CASZ1: variants seen among roughly 807,000 people sequenced by gnomAD.
CASZ1 encodes the protein zinc finger protein castor homolog 1.
In CASZ1, 28 loss-of-function variants were observed where a neutral mutation model predicts 135.2. The ratio of observed to expected loss-of-function variants is 0.21; its 90% CI spans 0.15 to 0.28. The LOEUF (loss-of-function observed/expected upper bound fraction) is 0.28, where lower values mean the gene tolerates loss of function less well. Among genes scored for constraint, CASZ1 ranks in the 10% least tolerant of loss-of-function variants. The probability of loss-of-function intolerance (pLI) is 1.00; values close to 1 mark genes in which losing one functional copy is unlikely to be tolerated. For synonymous variants in CASZ1, 1,068 were observed against 1,073.4 expected (o/e 0.99, Z 0.10); for missense variants, 2,161 against 2,453.3 (o/e 0.88, Z 2.52).
chr1:10,740,795 A>T (rs115473610), intron 2 of CASZ1, among the ~76,000 whole-genome samples: 5,951 of 151,480 alleles, frequency 0.039, 401 homozygotes, highest in African/African-American at 0.13. Flanking sequence ...CACAAAAAAA[A>T]TTTTTTTTTA....
Position 10,649,386 on chromosome 1 carries a change from C to A in CASZ1, c.2932G>T (p.Ala978Ser). The A allele has an allele frequency of 6.2e-7, 1 of 1,609,984 alleles. No individual in the cohort carries two copies. The highest frequency in any genetic ancestry group is 2.2e-5 in the East Asian group (1 of 44,746). Residue 978 changes from alanine to serine, a missense_variant, in exon 14 of 21, where the codon GCG becomes TCG. By Grantham distance (99) the Ala-to-Ser change is moderately conservative. Around this residue, in one of 7 missense-constraint regions of CASZ1, gnomAD observed 406 missense variants for 387.6 expected, o/e 1.05. Coordinates refer to ENST00000377022, the MANE Select transcript of CASZ1 (RefSeq NM_001079843.3). Reference sequence around the variant, plus strand: ...GGCTCCGCAGCGGGGCTCCCCTCCGCTTCCGCCTTGATGTTCAGCAGGCTG... The same window carrying A: ...GGCTCCGCAGCGGGGCTCCCCTCCGATTCCGCCTTGATGTTCAGCAGGCTG... ...LGSLLNIKAE[A>S]EGSPAAEPSP...
chr1:10,768,860 G>A (rs989461958), intron 1 of CASZ1, among the ~76,000 whole-genome samples: 3 of 152,250 alleles, frequency 2.0e-5, no homozygotes, highest in African/African-American at 4.8e-5. Flanking sequence ...CTCAAGCCAA[G>A]CTAGGCATGG....
In CASZ1 at chr1:10,707,589, G is replaced by A. The variant is rs374351544; in HGVS notation, c.-76-2045C>T. Among the ~76,000 whole-genome samples the A allele has an allele frequency of 1.2e-4, 18 of 152,222 alleles. 1 individual carries two copies. Among genetic ancestry groups the A allele is most frequent in the Non-Finnish European group, 2.1e-4 (14 of 68,018 alleles). ...TACGTACAGGGACCAGGACATGCACGGGGTCCTGTACCCCACCTGCCCAGG... is the reference window on the plus strand; with the variant it reads ...TACGTACAGGGACCAGGACATGCACAGGGTCCTGTACCCCACCTGCCCAGG... On this transcript the variant is annotated intron_variant, in intron 2 of 20. Transcript: ENST00000377022. The surrounding 1 kb of genome is among the most constrained non-coding windows in gnomAD (Gnocchi z 5.0).
intron 18 of CASZ1, among the ~76,000 whole-genome samples, chr1:10,644,387 G>A (rs1441138450): frequency 6.6e-6 from 1 of 152,132 alleles, no homozygotes; most frequent in Non-Finnish European, 1.5e-5. Flanking sequence ...GAACTTGACC[G>A]TTCCCCATTA....
At chr1:10,652,315 A>AGCCATGTGCCCGGGACAG (rs1642619458) in intron 11 of CASZ1, 1 of 152,414 alleles carries the variant, frequency 6.6e-6, no homozygotes, top group Admixed American at 6.5e-5. Flanking sequence ...ACCACTTCCT[A>AGCCATGTGCCCGGGACAG]GCCATGTGCC....
chr1:10,740,960 CAAAAAAAAAA>C (rs374464130), intron 2 of CASZ1, among the ~76,000 whole-genome samples: 1 of 61,462 alleles, frequency 1.6e-5, no homozygotes, highest in Admixed American at 2.2e-4. Context: ...CCTGTCTGGA[CAAAAAAAAAA>C]AAAAAAAGAA....
chr1:10,682,733 C>A (rs1638467156), intron 4 of CASZ1, among the ~76,000 whole-genome samples: 1 of 152,254 alleles, frequency 6.6e-6, no homozygotes, highest in Non-Finnish European at 1.5e-5. Context: ...CCATCTCCTT[C>A]TCTGGGCTCT....
Position 10,666,554 on chromosome 1 carries a change from C to T in CASZ1, c.17-983G>A, listed in dbSNP as rs951261393. On this transcript the variant is annotated intron_variant, in intron 4 of 20. Transcript: ENST00000377022. This position sits in a 1 kb window ranked among gnomAD's most constrained non-coding sequence, Gnocchi z 5.2. ...GTGCAGGGTGGGATCGCTTAGGTCCCTCACGGAACGCCCCGAAGCGCCGGT... is the reference window on the plus strand; with the variant it reads ...GTGCAGGGTGGGATCGCTTAGGTCCTTCACGGAACGCCCCGAAGCGCCGGT... Among the ~76,000 whole-genome samples, 4 of 152,220 alleles carry T rather than the reference C, an allele frequency of 2.6e-5. No homozygotes were observed. Among genetic ancestry groups the T allele is most frequent in the Non-Finnish European group, 5.9e-5 (4 of 68,044 alleles).
intron 2 of CASZ1, among the ~76,000 whole-genome samples, chr1:10,731,561 G>T (rs1639702857): frequency 6.6e-6 from 1 of 152,216 alleles, no homozygotes; most frequent in South Asian, 2.1e-4. Flanking sequence ...TCCAGCCTGG[G>T]TGACAGAAAG....
intron 11 of CASZ1, chr1:10,653,136 C>A: frequency 1.7e-6 from 1 of 601,804 alleles, no homozygotes; most frequent in South Asian, 1.8e-5. Context: ...GACCATCGCC[C>A]CCAGCTCACA....
intron 1 of CASZ1, among the ~76,000 whole-genome samples, chr1:10,780,471 C>T (rs1041638751): frequency 1.3e-5 from 2 of 152,150 alleles, no homozygotes; most frequent in East Asian, 1.9e-4. Context: ...AATCCCTCCC[C>T]GGTGGCCCCA....
rs1032896870 is a variant in CASZ1, at chr1:10,755,348, C to G, written c.-77+5353G>C. On this transcript the variant is annotated intron_variant, in intron 2 of 20. Coordinates refer to ENST00000377022, the MANE Select transcript of CASZ1 (RefSeq NM_001079843.3). The surrounding 1 kb of genome is among the most constrained non-coding windows in gnomAD (Gnocchi z 4.3). Reference sequence around the variant, plus strand: ...ACGAGGAGATGATGCAGTCAGGACTCCGGGACTCCTCCATGTGTGAGACCT... The same window carrying G: ...ACGAGGAGATGATGCAGTCAGGACTGCGGGACTCCTCCATGTGTGAGACCT... Among the ~76,000 whole-genome samples the G allele has an allele frequency of 7.9e-5, 12 of 152,198 alleles. No individual in the cohort carries two copies. The highest frequency in any genetic ancestry group is 1.3e-4 in the Admixed American group (2 of 15,282).
intron 4 of CASZ1, among the ~76,000 whole-genome samples, chr1:10,671,653 A>G (rs1570452155): frequency 6.6e-6 from 1 of 152,288 alleles, no homozygotes; most frequent in South Asian, 2.1e-4. Flanking sequence ...TCCCAGCCCC[A>G]GGTGGGCACT....
At chr1:10,793,352 G>C (rs538964550) in intron 1 of CASZ1, among the ~76,000 whole-genome samples, 1 of 152,202 alleles carries the variant, frequency 6.6e-6, no homozygotes, top group Non-Finnish European at 1.5e-5. Flanking sequence ...GCCACAAAGC[G>C]TAAGGCTCCC....
intron 4 of CASZ1, among the ~76,000 whole-genome samples, chr1:10,675,317 A>T (rs1643532478): frequency 6.6e-6 from 1 of 152,188 alleles, no homozygotes; most frequent in Admixed American, 6.5e-5. Context: ...GTGGGGACAG[A>T]GGACGGGGCC....
chr1:10,748,759 G>A (rs1640094346), intron 2 of CASZ1, among the ~76,000 whole-genome samples: 1 of 152,158 alleles, frequency 6.6e-6, no homozygotes, highest in African/African-American at 2.4e-5. Context: ...CTGTAATGTA[G>A]GTGACAGTCA....
intron 4 of CASZ1, among the ~76,000 whole-genome samples, chr1:10,675,792 A>AC (rs373360825): frequency 0.046 from 4,839 of 106,018 alleles, 79 homozygotes; most frequent in East Asian, 0.06. Flanking sequence ...CTAGCACATG[A>AC]CCCCCCCCCC....
chr1:10,749,468 C>G (rs1010010596), intron 2 of CASZ1, among the ~76,000 whole-genome samples: 1 of 152,098 alleles, frequency 6.6e-6, no homozygotes, highest in Admixed American at 6.6e-5. Context: ...AGGATGGTCT[C>G]GATCTCCTGA....
chr1:10,689,167 T>A (rs1191647388), intron 4 of CASZ1, among the ~76,000 whole-genome samples: 2 of 152,090 alleles, frequency 1.3e-5, no homozygotes, highest in African/African-American at 4.8e-5. Flanking sequence ...TAGAGGAGGC[T>A]GATGGAGGCT....
Sources: gnomAD v4.1 joint callset for allele counts (sites outside exome capture counted in the v4.1 genomes callset) on GRCh38, gnomAD v4.1.1 for gene constraint, gnomAD v4.1.1 regional missense constraint, Gnocchi (gnomAD v3.1) non-coding constraint, MANE v1.5 for transcripts, NCBI Gene and HGNC (gene_info 2026-07-23, HGNC 2026-07-21) for gene names.